The following SH3BGRL variants were observed in gnomAD, a reference collection of about 807,000 sequenced individuals.
The protein encoded by SH3BGRL is SH3 domain binding glutamate rich protein like, also known as adapter SH3BGRL.
SH3BGRL carries 7 observed loss-of-function variants against 9.8 expected under a neutral mutation model. That is an observed-to-expected ratio of 0.72 (90% CI 0.41 to 1.35). The LOEUF (loss-of-function observed/expected upper bound fraction) is 1.35, where lower values mean the gene tolerates loss of function less well. Among genes scored for constraint, SH3BGRL ranks in the 40% most tolerant of loss-of-function variants. The pLI, the probability that SH3BGRL is intolerant of heterozygous loss-of-function variation, is 0.01. For synonymous variants in SH3BGRL, 36 were observed against 29.1 expected (o/e 1.24, Z -0.76); for missense variants, 73 against 84.4 (o/e 0.86, Z 0.53).
intron 1 of SH3BGRL, among the ~76,000 whole-genome samples, chrX:81,217,162 T>G (rs1015939347): frequency 9.0e-6 from 1 of 111,213 alleles, no homozygotes; most frequent in Non-Finnish European, 1.9e-5. Context: ...TTGTATCTTC[T>G]CTCTTATTTT....
intron 1 of SH3BGRL, among the ~76,000 whole-genome samples, chrX:81,243,430 G>A (rs1356189914): frequency 2.7e-5 from 3 of 111,670 alleles, no homozygotes; most frequent in Admixed American, 1.9e-4. Context: ...AATGGTTATT[G>A]GGTACAAAAA....
In SH3BGRL at chrX:81,202,109, G is replaced by A; in HGVS notation, c.-92G>A. On this transcript the variant is annotated 5_prime_UTR_variant, in exon 1 of 4. Coordinates refer to ENST00000373212, the MANE Select transcript of SH3BGRL (RefSeq NM_003022.3). Reference sequence around the variant, plus strand: ...CTTCCCCCACCCTTCTCTGCCAACCGCTGTTTCAGCCCCTAGCTGGATTCC... The same window carrying A: ...CTTCCCCCACCCTTCTCTGCCAACCACTGTTTCAGCCCCTAGCTGGATTCC... 3 of 908,649 alleles carry A rather than the reference G, an allele frequency of 3.3e-6. No homozygotes were observed. Among genetic ancestry groups the A allele is most frequent in the East Asian group, 3.3e-5 (1 of 30,704 alleles). 74.9% of individuals were successfully genotyped at this position (908,649 alleles called of 1,213,427 possible). A position where few individuals can be genotyped will look rare whatever the true frequency, so the allele number is the denominator to read the frequency against.
intron 1 of SH3BGRL, among the ~76,000 whole-genome samples, chrX:81,210,599 G>A (rs938886233): frequency 9.0e-6 from 1 of 111,056 alleles, no homozygotes; most frequent in Non-Finnish European, 1.9e-5. Flanking sequence ...AAGAAGAGAG[G>A]CTCAGAGAAC....
chrX:81,224,194 G>T (rs1006908676), intron 1 of SH3BGRL, among the ~76,000 whole-genome samples: 2 of 111,719 alleles, frequency 1.8e-5, no homozygotes, highest in Non-Finnish European at 3.8e-5. Flanking sequence ...CACTGTTTTA[G>T]AACTCTATAC....
At chrX:81,280,763 T>C (rs974554076) in intron 3 of SH3BGRL, among the ~76,000 whole-genome samples, 9 of 111,237 alleles carry the variant, frequency 8.1e-5, no homozygotes, top group Non-Finnish European at 1.7e-4. Context: ...AACAGTTCCC[T>C]TCAACATCTG....
At chrX:81,202,880 C>T (rs776924394) in intron 1 of SH3BGRL, among the ~76,000 whole-genome samples, 1 of 111,047 alleles carries the variant, frequency 9.0e-6, no homozygotes, top group East Asian at 2.8e-4. Context: ...ATTCAGTTTT[C>T]CCCCCATATT....
chrX:81,249,179 A>G (rs976684634), intron 1 of SH3BGRL, among the ~76,000 whole-genome samples: 1 of 112,728 alleles, frequency 8.9e-6, no homozygotes, highest in African/African-American at 3.2e-5. Context: ...TCTGACACCT[A>G]GAACAAGTGT....
intron 1 of SH3BGRL, chrX:81,237,029 G>A: frequency 1.3e-6 from 1 of 796,188 alleles, no homozygotes; most frequent in East Asian, 8.1e-5. Context: ...TTGAAACCAT[G>A]GAAATTAGAT....
intron 1 of SH3BGRL, among the ~76,000 whole-genome samples, chrX:81,231,397 A>G (rs933442337): frequency 7.1e-5 from 8 of 112,131 alleles, no homozygotes; most frequent in Non-Finnish European, 1.5e-4. Context: ...ATTTTATTTT[A>G]TTTATTTTCT....
At chrX:81,218,754 TATAG>T (rs1418291548) in intron 1 of SH3BGRL, among the ~76,000 whole-genome samples, 1 of 101,435 alleles carries the variant, frequency 9.9e-6, no homozygotes, top group African/African-American at 3.5e-5. Context: ...CATACAGATA[TATAG>T]ATATAGATAT....
intron 1 of SH3BGRL, among the ~76,000 whole-genome samples, chrX:81,254,835 A>G (rs2075720538): frequency 8.9e-6 from 1 of 111,839 alleles, no homozygotes; most frequent in African/African-American, 3.3e-5. Context: ...TAGATTGTTA[A>G]GCAACATTTA....
intron 1 of SH3BGRL, among the ~76,000 whole-genome samples, chrX:81,210,319 A>G (rs1569356399): frequency 1.8e-5 from 2 of 111,617 alleles, no homozygotes; most frequent in East Asian, 5.6e-4. Context: ...TATATATTTA[A>G]TAGTAGTTGT....
At chrX:81,248,195 T>C (rs2147692338) in intron 1 of SH3BGRL, among the ~76,000 whole-genome samples, 1 of 111,644 alleles carries the variant, frequency 9.0e-6, no homozygotes, top group African/African-American at 3.3e-5. Flanking sequence ...ATCTTATGTC[T>C]TTTTGTCTTT....
At chrX:81,212,722 T>G (rs974203547) in intron 1 of SH3BGRL, among the ~76,000 whole-genome samples, 1 of 111,472 alleles carries the variant, frequency 9.0e-6, no homozygotes, top group Non-Finnish European at 1.9e-5. Context: ...ACTCGAGAAG[T>G]AAAGTACACA....
At chrX:81,242,708 C>A (rs2075674567) in intron 1 of SH3BGRL, among the ~76,000 whole-genome samples, 1 of 111,112 alleles carries the variant, frequency 9.0e-6, no homozygotes, top group Non-Finnish European at 1.9e-5. Flanking sequence ...CTTAAGGAGC[C>A]CAAACAGCTC....
At chrX:81,282,072 A>G in intron 3 of SH3BGRL, among the ~76,000 whole-genome samples, 1 of 112,331 alleles carries the variant, frequency 8.9e-6, no homozygotes, top group Middle Eastern at 4.6e-3. Context: ...AACAGTGGTA[A>G]AAGAGACAAA....
intron 3 of SH3BGRL, among the ~76,000 whole-genome samples, chrX:81,289,536 G>C (rs988967118): frequency 9.2e-6 from 1 of 109,199 alleles, no homozygotes; most frequent in Non-Finnish European, 1.9e-5. Flanking sequence ...ACAGGGGATC[G>C]GTAACGAGCA....
chrX:81,219,396 C>T (rs541470457), intron 1 of SH3BGRL, among the ~76,000 whole-genome samples: 1 of 110,391 alleles, frequency 9.1e-6, no homozygotes, highest in South Asian at 3.7e-4. Flanking sequence ...AATGGGATTA[C>T]TTTCTTGATT....
intron 1 of SH3BGRL, among the ~76,000 whole-genome samples, chrX:81,222,993 A>G (rs1432734361): frequency 3.6e-5 from 4 of 111,608 alleles, no homozygotes; most frequent in African/African-American, 6.5e-5. Context: ...GTCTGTTCAT[A>G]TCCTTCACCC....
Sources: gnomAD v4.1 joint callset for allele counts (sites outside exome capture counted in the v4.1 genomes callset) on GRCh38, gnomAD v4.1.1 for gene constraint, MANE v1.5 for transcripts, NCBI Gene and HGNC (gene_info 2026-07-23, HGNC 2026-07-21) for gene names.